The following CACNA2D1 variants were observed in gnomAD, a reference collection of about 807,000 sequenced individuals.
CACNA2D1 encodes the protein calcium voltage-gated channel auxiliary subunit alpha2delta 1, also known as voltage-dependent calcium channel subunit alpha-2/delta-1.
CACNA2D1 carries 53 observed loss-of-function variants against 171.5 expected under a neutral mutation model. The observed-to-expected ratio is 0.31, with a 90% CI of 0.25 to 0.39. CACNA2D1 has a LOEUF of 0.39. Among genes scored for constraint, CACNA2D1 ranks in the 10% least tolerant of loss-of-function variants. The probability of loss-of-function intolerance (pLI) is 1.00; values close to 1 mark genes in which losing one functional copy is unlikely to be tolerated. For synonymous variants in CACNA2D1, 442 were observed against 443.1 expected, an observed-to-expected ratio of 1.00 and a Z score of 0.03; for missense variants, 903 against 1,299.8, an observed-to-expected ratio of 0.69 and a Z score of 4.69.
chr7:82,182,831 T>A (rs1020502314), intron 3 of CACNA2D1, among the ~76,000 whole-genome samples: 4 of 151,634 alleles, frequency 2.6e-5, no homozygotes, highest in African/African-American at 9.7e-5. Flanking sequence ...AAGTCGGGAG[T>A]TCGAGACCTG....
chr7:82,407,038 G>T (rs1215796051), intron 1 of CACNA2D1, among the ~76,000 whole-genome samples: 2 of 152,096 alleles, frequency 1.3e-5, no homozygotes, highest in Admixed American at 6.6e-5. Flanking sequence ...ATGATAAAGA[G>T]GCCTTACTGG....
intron 1 of CACNA2D1, among the ~76,000 whole-genome samples, chr7:82,429,020 C>T (rs1009342518): frequency 3.9e-5 from 6 of 152,212 alleles, no homozygotes; most frequent in African/African-American, 1.4e-4. Flanking sequence ...CACAGGATTC[C>T]GACTGGACAA....
intron 3 of CACNA2D1, among the ~76,000 whole-genome samples, chr7:82,236,184 C>T (rs922898632): frequency 2.0e-5 from 3 of 151,912 alleles, no homozygotes; most frequent in African/African-American, 7.2e-5. Context: ...TCTAGAAACT[C>T]GTAACAAGTT....
At position 82,070,210 on chromosome 7, in the gene CACNA2D1, G is replaced by A. The variant is rs141575849; in HGVS notation, c.659-3686C>T. On this transcript the variant is annotated intron_variant, in intron 7 of 38. Coordinates refer to ENST00000356860, the MANE Select transcript of CACNA2D1 (RefSeq NM_000722.4). ...AGTTCAGGGTAGATGACTGTCATTA[G>A]AAGAATGTGGATTATACCCACACAA... Among the ~76,000 whole-genome samples the A allele has an allele frequency of 4.6e-5, 7 of 152,288 alleles. No individual in the cohort carries two copies. The East Asian group carries it at 1.4e-3, about 29-fold the overall frequency.
intron 4 of CACNA2D1, among the ~76,000 whole-genome samples, chr7:82,165,356 T>C (rs1288908811): frequency 6.6e-6 from 1 of 152,046 alleles, no homozygotes; most frequent in Non-Finnish European, 1.5e-5. Flanking sequence ...CGTACTATTG[T>C]CATTTTGGCT....
chr7:82,305,851 G>A (rs978664873), intron 3 of CACNA2D1, among the ~76,000 whole-genome samples: 1 of 152,172 alleles, frequency 6.6e-6, no homozygotes, highest in Non-Finnish European at 1.5e-5. Context: ...CTCTTTTGAA[G>A]CTCTTTTGAA....
intron 36 of CACNA2D1, among the ~76,000 whole-genome samples, chr7:81,961,411 C>G (rs13236132): frequency 0.23 from 34,633 of 151,646 alleles, 4,083 homozygotes; most frequent in Middle Eastern, 0.28. Flanking sequence ...TTCTTCAAGT[C>G]AGAGAAGACT....
chr7:82,210,970 G>A (rs1338740823), intron 3 of CACNA2D1, among the ~76,000 whole-genome samples: 1 of 152,036 alleles, frequency 6.6e-6, no homozygotes, highest in African/African-American at 2.4e-5. Flanking sequence ...TTATGTGCTA[G>A]GCACTGTGTT....
At chr7:82,178,692 A>G (rs1796805463) in intron 3 of CACNA2D1, among the ~76,000 whole-genome samples, 1 of 152,160 alleles carries the variant, frequency 6.6e-6, no homozygotes, top group Admixed American at 6.6e-5. Flanking sequence ...TTACTTTTTA[A>G]GAAGCACTGT....
intron 1 of CACNA2D1, among the ~76,000 whole-genome samples, chr7:82,377,944 C>A (rs937883952): frequency 6.6e-6 from 1 of 152,176 alleles, no homozygotes; most frequent in African/African-American, 2.4e-5. Context: ...TCTCCAGAGT[C>A]AGAACTGGGA....
chr7:82,139,801 T>C (rs1792131371), intron 4 of CACNA2D1, among the ~76,000 whole-genome samples: 1 of 151,640 alleles, frequency 6.6e-6, no homozygotes, highest in Non-Finnish European at 1.5e-5. Flanking sequence ...TTTTTCTTTA[T>C]TGAGATGAAG....
chr7:82,080,744 C>T (rs532763650), intron 7 of CACNA2D1, among the ~76,000 whole-genome samples: 1 of 152,138 alleles, frequency 6.6e-6, no homozygotes, highest in African/African-American at 2.4e-5. Context: ...AGTTTCACTA[C>T]GTGGTGTTAT....
chr7:82,374,227 A>G (rs1051949303), intron 1 of CACNA2D1, among the ~76,000 whole-genome samples: 1 of 152,218 alleles, frequency 6.6e-6, no homozygotes, highest in Non-Finnish European at 1.5e-5. Flanking sequence ...ATTTAGGAAG[A>G]GTCTCTGACA....
chr7:82,268,961 T>C (rs1227568351), intron 3 of CACNA2D1, among the ~76,000 whole-genome samples: 3 of 152,168 alleles, frequency 2.0e-5, no homozygotes, highest in Admixed American at 6.5e-5. Context: ...TGAAATGGCA[T>C]AGAAAAATTG....
chr7:82,173,155 G>C (rs1036326896), intron 3 of CACNA2D1, among the ~76,000 whole-genome samples: 1 of 152,042 alleles, frequency 6.6e-6, no homozygotes, highest in Non-Finnish European at 1.5e-5. Flanking sequence ...TCCATGTTTA[G>C]TAAGTTATAG....
chr7:82,416,331 T>C (rs184242615), intron 1 of CACNA2D1, among the ~76,000 whole-genome samples: 45 of 152,254 alleles, frequency 3.0e-4, no homozygotes, highest in African/African-American at 8.7e-4. Context: ...GACTGAATAG[T>C]GATGTCATGA....
chr7:82,170,088 A>G (rs960906784), intron 4 of CACNA2D1, among the ~76,000 whole-genome samples: 1 of 151,990 alleles, frequency 6.6e-6, no homozygotes, highest in Non-Finnish European at 1.5e-5. Context: ...TTAAATTTTA[A>G]GAAGTTGAAT....
At chr7:82,362,370 C>A (rs1821169355) in intron 1 of CACNA2D1, among the ~76,000 whole-genome samples, 1 of 152,148 alleles carries the variant, frequency 6.6e-6, no homozygotes, top group African/African-American at 2.4e-5. Flanking sequence ...GAGGCTAGAT[C>A]TGTGAATCAT....
At chr7:82,217,514 G>T (rs933902506) in intron 3 of CACNA2D1, among the ~76,000 whole-genome samples, 29 of 144,268 alleles carry the variant, frequency 2.0e-4, no homozygotes, top group African/African-American at 7.0e-4. Context: ...CAACTAAAAA[G>T]TTTTTTTTTA....
Sources: gnomAD v4.1 joint callset for allele counts (sites outside exome capture counted in the v4.1 genomes callset) on GRCh38, gnomAD v4.1.1 for gene constraint, MANE v1.5 for transcripts, NCBI Gene and HGNC (gene_info 2026-07-23, HGNC 2026-07-21) for gene names.